NAV2: variants seen among roughly 807,000 people sequenced by gnomAD.
NAV2 encodes the protein helicase, APC down-regulated 1.
In NAV2, 54 loss-of-function variants were observed where a neutral mutation model predicts 223.2. That is an observed-to-expected ratio of 0.24 (90% CI 0.19 to 0.30). The LOEUF (loss-of-function observed/expected upper bound fraction) is 0.30, where lower values mean the gene tolerates loss of function less well. NAV2 is among the 10% of genes least tolerant of loss of function. The pLI is 1.00. For synonymous variants in NAV2, 1,279 were observed against 1,239.3 expected, an observed-to-expected ratio of 1.03 and a Z score of -0.67; for missense variants, 2,806 against 3,147.5, an observed-to-expected ratio of 0.89 and a Z score of 2.60.
At position 19,738,000 on chromosome 11, in the gene NAV2, C is replaced by T. The variant is rs1026583227; in HGVS notation, c.267+24038C>T. Among the ~76,000 whole-genome samples the T allele has an allele frequency of 3.9e-5, 6 of 152,320 alleles. No homozygotes were observed. In the East Asian group the frequency reaches 5.8e-4, roughly 15 times the overall value. On this transcript the variant is annotated intron_variant, in intron 1 of 37. Coordinates refer to ENST00000349880, the MANE Select transcript of NAV2 (RefSeq NM_145117.5). The stretch of plus-strand genomic sequence containing the variant: ...GATGTGAATTTCTGTTTGATGTCCT[C>T]GTCTTTTTGAGAAGATGTGAGTGTA...
chr11:19,974,719 C>T (rs1362372008), intron 10 of NAV2, among the ~76,000 whole-genome samples: 1 of 152,180 alleles, frequency 6.6e-6, no homozygotes. Flanking sequence ...TTTAGGACAG[C>T]AGTGTACAGT....
chr11:19,941,623 C>G (rs927673825), intron 8 of NAV2, among the ~76,000 whole-genome samples: 1 of 151,894 alleles, frequency 6.6e-6, no homozygotes, highest in African/African-American at 2.4e-5. Flanking sequence ...ATGTACAGAG[C>G]CTTACAGTTG....
chr11:19,934,316 G>A, intron 7 of NAV2, 39 bp downstream of exon 7: 3 of 1,518,876 alleles, frequency 2.0e-6, no homozygotes, highest in South Asian at 2.6e-5. Context: ...TGGGACATTG[G>A]GTAAAAGTTC....
chr11:19,913,448 G>A (rs141706247), intron 6 of NAV2, among the ~76,000 whole-genome samples: 4 of 152,282 alleles, frequency 2.6e-5, no homozygotes, highest in Non-Finnish European at 4.4e-5. Context: ...CTTCCTGTCA[G>A]CTGGGTTTCT....
chr11:19,402,799 G>T (rs1365608968), intron 1 of NAV2, among the ~76,000 whole-genome samples: 2 of 152,354 alleles, frequency 1.3e-5, no homozygotes, highest in East Asian at 3.9e-4. Context: ...TCAGCACAGC[G>T]CATGGCACAT....
intron 12 of NAV2, among the ~76,000 whole-genome samples, chr11:20,043,318 T>C (rs1008568845): frequency 6.6e-6 from 1 of 152,172 alleles, no homozygotes; most frequent in Non-Finnish European, 1.5e-5. Context: ...CTTGTTCAAG[T>C]GGCAGAAAAT....
At chr11:19,718,169 A>G (rs950807821) in intron 1 of NAV2, among the ~76,000 whole-genome samples, 14 of 151,866 alleles carry the variant, frequency 9.2e-5, no homozygotes, top group African/African-American at 3.1e-4. Flanking sequence ...CATTTATAGC[A>G]TCTGCTCTGT....
At chr11:19,955,334 G>A (rs919927706) in intron 10 of NAV2, among the ~76,000 whole-genome samples, 25 of 151,810 alleles carry the variant, frequency 1.6e-4, no homozygotes, top group Non-Finnish European at 2.9e-4. Context: ...AGGCTGCAGC[G>A]AGCTGTGATT....
chr11:19,382,112 G>C (rs1848859574), intron 1 of NAV2, among the ~76,000 whole-genome samples: 1 of 152,180 alleles, frequency 6.6e-6, no homozygotes, highest in African/African-American at 2.4e-5. Flanking sequence ...TCTGTCTGCA[G>C]GATGAATATT....
chr11:20,097,015 A>G (rs1431140363), intron 30 of NAV2, among the ~76,000 whole-genome samples: 2 of 152,214 alleles, frequency 1.3e-5, no homozygotes, highest in Admixed American at 6.5e-5. Context: ...CTCCTAGTAC[A>G]TGGACCTTAG....
At chr11:19,553,165 T>G (rs1170079648) in intron 1 of NAV2, among the ~76,000 whole-genome samples, 1 of 152,202 alleles carries the variant, frequency 6.6e-6, no homozygotes, top group Non-Finnish European at 1.5e-5. Context: ...GAGGGCAGCA[T>G]TCTTTCAATG....
At chr11:19,356,473 G>A (rs1441828438) in intron 1 of NAV2, among the ~76,000 whole-genome samples, 2 of 152,146 alleles carry the variant, frequency 1.3e-5, no homozygotes, top group Non-Finnish European at 2.9e-5. Context: ...CTGTTTCTGG[G>A]CACTTCCAGT....
intron 1 of NAV2, among the ~76,000 whole-genome samples, chr11:19,831,905 AT>A (rs1224624622): frequency 6.6e-6 from 1 of 152,212 alleles, no homozygotes; most frequent in Non-Finnish European, 1.5e-5. Flanking sequence ...AATTAAACCG[AT>A]TAAATTTGAG....
intron 1 of NAV2, among the ~76,000 whole-genome samples, chr11:19,504,609 T>C (rs2043064136): frequency 6.6e-6 from 1 of 152,132 alleles, no homozygotes; most frequent in Non-Finnish European, 1.5e-5. Context: ...GCTTCAGGGA[T>C]GAAAGTTTAT....
chr11:19,912,586 G>A (rs1457464451), intron 6 of NAV2, among the ~76,000 whole-genome samples: 1 of 152,094 alleles, frequency 6.6e-6, no homozygotes, highest in Non-Finnish European at 1.5e-5. Context: ...AGTTCATGTC[G>A]AATACTCATT....
intron 10 of NAV2, among the ~76,000 whole-genome samples, chr11:19,960,804 G>A (rs1030585036): frequency 6.6e-6 from 1 of 151,956 alleles, no homozygotes. Flanking sequence ...AGTAGATGGG[G>A]TTTCACCATG....
intron 1 of NAV2, among the ~76,000 whole-genome samples, chr11:19,379,798 T>C (rs577327802): frequency 6.6e-6 from 1 of 152,314 alleles, no homozygotes; most frequent in Admixed American, 6.5e-5. Context: ...TTTTGCTGTC[T>C]GCAGGCAATC....
chr11:19,404,217 A>C (rs1849800564), intron 1 of NAV2, among the ~76,000 whole-genome samples: 1 of 152,188 alleles, frequency 6.6e-6, no homozygotes, highest in Admixed American at 6.5e-5. Flanking sequence ...AGATCATGGA[A>C]AGATTTTAAT....
At chr11:19,585,946 G>T (rs1451857126) in intron 1 of NAV2, among the ~76,000 whole-genome samples, 4 of 152,204 alleles carry the variant, frequency 2.6e-5, no homozygotes, top group Non-Finnish European at 4.4e-5. Flanking sequence ...GATTGGGGAA[G>T]TTCTCCTGGA....
Sources: gnomAD v4.1 joint callset for allele counts (sites outside exome capture counted in the v4.1 genomes callset) on GRCh38, gnomAD v4.1.1 for gene constraint, MANE v1.5 for transcripts, NCBI Gene and HGNC (gene_info 2026-07-23, HGNC 2026-07-21) for gene names.